The following VIPR1 variants were observed in gnomAD, a reference collection of about 807,000 sequenced individuals.
VIPR1 encodes vasoactive intestinal peptide receptor 1.
In VIPR1, 59 loss-of-function variants were observed where a neutral mutation model predicts 58.8. The observed-to-expected ratio is 1.00, with a 90% CI of 0.81 to 1.25. VIPR1 has a LOEUF of 1.25. Among genes scored for constraint, VIPR1 ranks in the 50% most tolerant of loss-of-function variants. The probability of loss-of-function intolerance (pLI) is 0.00; values close to 1 mark genes in which losing one functional copy is unlikely to be tolerated. For synonymous variants in VIPR1, 251 were observed against 242.1 expected (o/e 1.04, Z -0.34); for missense variants, 626 against 602.7 (o/e 1.04, Z -0.40).
At chr3:42,507,678 G>C (rs949944125) in intron 1 of VIPR1, among the ~76,000 whole-genome samples, 1 of 152,176 alleles carries the variant, frequency 6.6e-6, no homozygotes, top group Non-Finnish European at 1.5e-5. Flanking sequence ...CTTAGCCTGT[G>C]TTCCTCTGCA....
intron 9 of VIPR1, 132 bp downstream of exon 9, chr3:42,532,001 C>T: frequency 9.4e-7 from 1 of 1,062,674 alleles, no homozygotes; most frequent in South Asian, 1.4e-5. Context: ...AATGCAGGAT[C>T]ATCCCCACCC....
chr3:42,533,888 T>C (rs1194107084), intron 10 of VIPR1: 1 of 152,240 alleles, frequency 6.6e-6, no homozygotes, highest in East Asian at 1.9e-4. Flanking sequence ...GGGCTAGACT[T>C]CCTTGGACTG....
intron 6 of VIPR1, chr3:42,529,507 G>C (rs538401255): frequency 6.7e-6 from 1 of 149,598 alleles, no homozygotes; most frequent in African/African-American, 2.5e-5. Context: ...AAAAGCAAAT[G>C]GGAGGAAGAT....
upstream of VIPR1, among the ~76,000 whole-genome samples, chr3:42,501,573 G>T (rs1699871051): frequency 1.3e-5 from 2 of 152,206 alleles, no homozygotes; most frequent in East Asian, 3.9e-4. The surrounding 1 kb of genome is among the most constrained non-coding windows in gnomAD (Gnocchi z 4.8). Flanking sequence ...AAGAAGACGC[G>T]CTCCCAGGGC....
At chr3:42,520,513 G>A (rs966882033) in intron 3 of VIPR1, among the ~76,000 whole-genome samples, 4 of 152,022 alleles carry the variant, frequency 2.6e-5, no homozygotes, top group African/African-American at 9.7e-5. Context: ...AAGTGGGAGA[G>A]TTGTTTATGG....
intron 1 of VIPR1, among the ~76,000 whole-genome samples, chr3:42,505,971 T>G (rs1244544982): frequency 1.3e-5 from 2 of 152,198 alleles, no homozygotes; most frequent in Admixed American, 6.5e-5. Context: ...GCAGGACTTC[T>G]GTGAGCTTTG....
intron 1 of VIPR1, chr3:42,513,015 A>C (rs1577215024): frequency 2.1e-6 from 2 of 962,160 alleles, no homozygotes; most frequent in Admixed American, 1.2e-4. Context: ...AGGGAGGGGA[A>C]GAGGAGAAGC....
Position 42,536,489 on chromosome 3 carries a change from G to C in VIPR1, c.*208G>C. On this transcript the variant is annotated 3_prime_UTR_variant, in exon 13 of 13. Transcript: ENST00000325123. ...AGCGTTTCTAGCAAGTGAGAGAGAT[G>C]GGAGCTCCTCTCCTGGAGGATTGCA... The C allele has an allele frequency of 2.1e-6, 1 of 487,354 alleles. No individual in the cohort carries two copies. The highest frequency in any genetic ancestry group is 3.5e-6 in the Non-Finnish European group (1 of 285,060). 30.2% of individuals were successfully genotyped at this position (487,354 alleles called of 1,614,324 possible).
In VIPR1 at chr3:42,502,659, G is replaced by C; in HGVS notation, c.-77G>C. 1.8e-6 allele frequency: 2 copies of C among 1,132,400 alleles called. No homozygotes were observed. Among genetic ancestry groups the C allele is most frequent in the Non-Finnish European group, 2.2e-6 (2 of 894,236 alleles). The allele number at this position is 1,132,400 out of a possible 1,614,324, so 70.1% of individuals were successfully genotyped here. A position where few individuals can be genotyped will look rare whatever the true frequency, so the allele number is the denominator to read the frequency against. On this transcript the variant is annotated 5_prime_UTR_variant, in exon 1 of 13. Coordinates refer to ENST00000325123, the MANE Select transcript of VIPR1 (RefSeq NM_004624.4). ...GCCAGCGCCACTCTGCCAGGCTCCC[G>C]GCCATCGCCCGCCTGGTGCGCCGCC...
rs1260480609 is a variant in VIPR1, at chr3:42,502,668, C to T, written c.-68C>T. 1.7e-6 allele frequency: 2 copies of T among 1,193,332 alleles called. No individual in the cohort carries two copies. Among genetic ancestry groups the T allele is most frequent in the Non-Finnish European group, 2.1e-6 (2 of 948,600 alleles). The allele number at this position is 1,193,332 out of a possible 1,614,324, so 73.9% of individuals were successfully genotyped here. ...ACTCTGCCAGGCTCCCGGCCATCGC[C>T]CGCCTGGTGCGCCGCCCGCCAGCTC... On this transcript the variant is annotated 5_prime_UTR_variant, in exon 1 of 13. Transcript: ENST00000325123.
In VIPR1 at chr3:42,532,329, T is replaced by C. The variant is rs1303026833; in HGVS notation, c.1006T>C (p.Tyr336His). ...TATCAGGAAGAGTGACAGCAGTCCA[T>C]ACTCGTGAGTGTGGGCCTAGTGCCT... ...PDIRKSDSSP[Y>H]SRLARSTLLL... The change falls in exon 10 of 13, where the codon TAC (tyrosine) becomes CAC (histidine). Residue 336 changes from tyrosine (Y) to histidine (H), a missense_variant. Tyr to His is a moderately conservative substitution (Grantham distance 83). Transcript: ENST00000325123. The C allele has an allele frequency of 6.2e-7, 1 of 1,613,530 alleles. No individual in the cohort carries two copies. Among genetic ancestry groups the C allele is most frequent in the Non-Finnish European group, 8.5e-7 (1 of 1,179,478 alleles).
chr3:42,528,255 A>T, intron 6 of VIPR1, 132 bp downstream of exon 6: 1 of 1,278,386 alleles, frequency 7.8e-7, no homozygotes, highest in Non-Finnish European at 1.0e-6. Flanking sequence ...CAATCCAAGG[A>T]TAGCCTAACC....
At chr3:42,528,246 A>T in intron 6 of VIPR1, 123 bp downstream of exon 6, 1 of 1,214,230 alleles carries the variant, frequency 8.2e-7, no homozygotes, top group Admixed American at 3.3e-5. Context: ...CCCACCCCTC[A>T]ATCCAAGGAT....
At chr3:42,531,042 G>A in intron 7 of VIPR1, 110 bp downstream of exon 7, 2 of 1,377,942 alleles carry the variant, frequency 1.5e-6, no homozygotes, top group Non-Finnish European at 2.0e-6. Flanking sequence ...TTGCTTAGCT[G>A]CAGGTCCTGC....
chr3:42,505,449 C>G (rs1035698911), intron 1 of VIPR1, among the ~76,000 whole-genome samples: 1 of 152,250 alleles, frequency 6.6e-6, no homozygotes, highest in Non-Finnish European at 1.5e-5. Context: ...GCTGCCCCTG[C>G]CACCTGCCTC....
At chr3:42,489,406 A>T (rs564939312) in exon 1 of VIPR1, 5 of 152,222 alleles carry the variant, frequency 3.3e-5, no homozygotes, top group African/African-American at 1.2e-4. Flanking sequence ...CATTGGCAAG[A>T]CTCCCATTGG....
At chr3:42,494,448 A>C (rs1455496084) in intron 1 of VIPR1, among the ~76,000 whole-genome samples, 2 of 152,260 alleles carry the variant, frequency 1.3e-5, no homozygotes, top group Non-Finnish European at 2.9e-5. Context: ...TTATAAAACT[A>C]TCTGAGCTTG....
At chr3:42,502,374 T>C (rs971520979), upstream of VIPR1, 1 of 191,606 alleles carries the variant, frequency 5.2e-6, no homozygotes, top group Non-Finnish European at 1.1e-5. Context: ...AAGGATGGAA[T>C]GTGTTCGGGT....
At chr3:42,490,412 G>A (rs1699645038) in intron 1 of VIPR1, among the ~76,000 whole-genome samples, 2 of 152,196 alleles carry the variant, frequency 1.3e-5, no homozygotes, top group African/African-American at 4.8e-5. Flanking sequence ...GCTGGCAAGT[G>A]ACTCAGGCCT....
Sources: allele counts gnomAD v4.1 joint callset (sites outside exome capture counted in the v4.1 genomes callset), GRCh38; gene constraint gnomAD v4.1.1; non-coding constraint Gnocchi (gnomAD v3.1); transcripts MANE v1.5; gene names NCBI Gene and HGNC (gene_info 2026-07-23, HGNC 2026-07-21).